Variants in LRRC7 observed in about 807,000 individuals in gnomAD.
The protein encoded by LRRC7 is leucine-rich repeat-containing protein 7.
In LRRC7, 23 loss-of-function variants were observed where a neutral mutation model predicts 175.7. The observed-to-expected ratio is 0.13, with a 90% CI of 0.09 to 0.19. LRRC7 has a LOEUF of 0.19. LRRC7 is among the 10% of genes least tolerant of loss of function. The probability of loss-of-function intolerance (pLI) is 1.00; values close to 1 mark genes in which losing one functional copy is unlikely to be tolerated. For missense variants in LRRC7, 1,354 were observed against 1,904.7 expected, an observed-to-expected ratio of 0.71 and a Z score of 5.38; for synonymous variants, 685 against 680.9, an observed-to-expected ratio of 1.01 and a Z score of -0.09.
chr1:69,588,401 A>G (rs1006943851), intron 1 of LRRC7, among the ~76,000 whole-genome samples: 7 of 152,200 alleles, frequency 4.6e-5, no homozygotes, highest in African/African-American at 1.7e-4. Flanking sequence ...TGACTAACCT[A>G]TAGACACATC....
At chr1:69,584,397 G>A (rs1266913442) in intron 1 of LRRC7, among the ~76,000 whole-genome samples, 1 of 151,952 alleles carries the variant, frequency 6.6e-6, no homozygotes, top group Non-Finnish European at 1.5e-5. Flanking sequence ...ATTGTGTTTT[G>A]CCAACAGCTG....
At chr1:69,688,138 A>G (rs1661407115) in intron 2 of LRRC7, among the ~76,000 whole-genome samples, 2 of 152,348 alleles carry the variant, frequency 1.3e-5, no homozygotes, top group South Asian at 4.1e-4. Flanking sequence ...TATATTAAAC[A>G]TGTGCCAATG....
chr1:69,671,080 G>C (rs981599672), intron 1 of LRRC7, among the ~76,000 whole-genome samples: 8 of 152,076 alleles, frequency 5.3e-5, no homozygotes, highest in African/African-American at 1.9e-4. Flanking sequence ...CAAGCAAGAG[G>C]AGTCTCTTCC....
At position 70,090,090 on chromosome 1, in the gene LRRC7, T is replaced by C. The variant is rs189200958; in HGVS notation, c.4545+271T>C. Among the ~76,000 whole-genome samples, 240 of 152,282 alleles carry C rather than the reference T, an allele frequency of 1.6e-3. 3 individuals are homozygous for C. The highest frequency in any genetic ancestry group is 0.011 in the Admixed American group (169 of 15,268). ...TGTGGGGAGGCTTTGTGTTTTGTTT[T>C]TGTTTTTGCTCCACAGTTGTCTATA... On this transcript the variant is annotated intron_variant, in intron 25 of 26. Transcript: ENST00000651989.
In LRRC7 at chr1:69,827,340, T is replaced by C. The variant is rs182060190; in HGVS notation, c.500+1514T>C. 7.8e-3 allele frequency among the ~76,000 whole-genome samples: 1,189 copies of C among 152,272 alleles called. 7 individuals are homozygous for C. The highest frequency in any genetic ancestry group is 0.014 in the Non-Finnish European group (941 of 68,020). On this transcript the variant is annotated intron_variant, in intron 5 of 26. Transcript: ENST00000651989. The stretch of plus-strand genomic sequence containing the variant: ...GGCAGCCAGATTAGAAATTACATCT[T>C]TGAGAAATTTCAAGTCTATGGTTTT...
chr1:70,024,071 T>A (rs1266230604), intron 17 of LRRC7, among the ~76,000 whole-genome samples: 1 of 152,152 alleles, frequency 6.6e-6, no homozygotes, highest in Non-Finnish European at 1.5e-5. Flanking sequence ...GACTAGATAC[T>A]TATCCATTGT....
intron 26 of LRRC7, 108 bp from the exon 27 acceptor site, chr1:70,121,672 A>C (rs1666215148): frequency 1.4e-6 from 1 of 690,718 alleles, no homozygotes; most frequent in Non-Finnish European, 2.5e-6. Context: ...AATTATAAAA[A>C]CTGACAACTT....
chr1:69,788,976 G>T (rs576343029), intron 3 of LRRC7, among the ~76,000 whole-genome samples: 1 of 152,156 alleles, frequency 6.6e-6, no homozygotes, highest in African/African-American at 2.4e-5. Context: ...CTAGCTTGTA[G>T]CAAGTATCAA....
chr1:69,629,743 C>T (rs1652184912), intron 1 of LRRC7, among the ~76,000 whole-genome samples: 1 of 152,026 alleles, frequency 6.6e-6, no homozygotes, highest in South Asian at 2.1e-4. Flanking sequence ...TCTCTCTCTG[C>T]CTATGTTAAC....
chr1:70,107,294 C>A (rs530259246), intron 25 of LRRC7, among the ~76,000 whole-genome samples: 1 of 152,050 alleles, frequency 6.6e-6, no homozygotes, highest in Non-Finnish European at 1.5e-5. Flanking sequence ...ATAAACCAGT[C>A]GTATATATAA....
intron 22 of LRRC7, among the ~76,000 whole-genome samples, chr1:70,047,099 C>T (rs1031258109): frequency 6.6e-6 from 1 of 152,136 alleles, no homozygotes; most frequent in Admixed American, 6.6e-5. Flanking sequence ...CCTAAATACT[C>T]ATTAGCCATA....
chr1:69,674,311 ATCTT>A (rs1179151837), intron 1 of LRRC7, among the ~76,000 whole-genome samples: 1 of 152,164 alleles, frequency 6.6e-6, no homozygotes, highest in Non-Finnish European at 1.5e-5. Flanking sequence ...GATTGGTTAA[ATCTT>A]AGTTGAGCCT....
chr1:69,935,294 T>A (rs1647886009), intron 8 of LRRC7, among the ~76,000 whole-genome samples: 1 of 152,292 alleles, frequency 6.6e-6, no homozygotes, highest in Non-Finnish European at 1.5e-5. Flanking sequence ...TTCCTTATCC[T>A]GTGCTATTCA....
intron 2 of LRRC7, among the ~76,000 whole-genome samples, chr1:69,741,587 AAG>A (rs1668717794): frequency 6.6e-6 from 1 of 151,892 alleles, no homozygotes; most frequent in African/African-American, 2.4e-5. Context: ...TTAGCGTAGA[AAG>A]AGAGCACAGA....
At chr1:69,668,344 G>A (rs1383898552) in intron 1 of LRRC7, among the ~76,000 whole-genome samples, 1 of 151,540 alleles carries the variant, frequency 6.6e-6, no homozygotes, top group African/African-American at 2.4e-5. Context: ...CCCTCCCTGT[G>A]TCCATGTGTT....
At chr1:69,923,872 T>C (rs1380173615) in intron 7 of LRRC7, among the ~76,000 whole-genome samples, 1 of 152,096 alleles carries the variant, frequency 6.6e-6, no homozygotes, top group African/African-American at 2.4e-5. Context: ...CATGAAGTCC[T>C]TGCCCATGCC....
intron 25 of LRRC7, among the ~76,000 whole-genome samples, chr1:70,094,761 G>A (rs527792364): frequency 5.3e-5 from 8 of 152,182 alleles, no homozygotes; most frequent in Non-Finnish European, 7.4e-5. Flanking sequence ...AGAGGCATGC[G>A]GGGCAACGGC....
chr1:70,015,839 G>A (rs1656918828), intron 13 of LRRC7, among the ~76,000 whole-genome samples: 1 of 152,134 alleles, frequency 6.6e-6, no homozygotes. Context: ...ATAATATTGG[G>A]AGCTGTACCT....
intron 7 of LRRC7, chr1:69,839,202 C>A (rs1438299101): frequency 6.3e-6 from 1 of 158,224 alleles, no homozygotes; most frequent in Non-Finnish European, 1.4e-5. Context: ...CAACAACATA[C>A]CTTCAAGTGC....
Sources: gnomAD v4.1 joint callset for allele counts (sites outside exome capture counted in the v4.1 genomes callset) on GRCh38, gnomAD v4.1.1 for gene constraint, MANE v1.5 for transcripts, NCBI Gene and HGNC (gene_info 2026-07-23, HGNC 2026-07-21) for gene names.